HERC1: variants seen among roughly 807,000 people sequenced by gnomAD.
The protein encoded by HERC1 is HECT and RLD domain containing E3 ubiquitin protein ligase family member 1.
A neutral mutation model predicts 554.3 loss-of-function variants in HERC1; 160 were observed. The observed-to-expected ratio is 0.29, with a 90% confidence interval of 0.25 to 0.33. HERC1 has a LOEUF of 0.33. Ranked by LOEUF, HERC1 falls within the 10% of genes least tolerant of loss-of-function variation. The pLI, the probability that HERC1 is intolerant of heterozygous loss-of-function variation, is 1.00. For missense variants in HERC1, 4,919 were observed against 5,918.5 expected (o/e 0.83, Z 5.54); for synonymous variants, 2,175 against 2,131.7 (o/e 1.02, Z -0.56).
Position 63,694,761 on chromosome 15 carries a change from AC to A in HERC1, c.5242+12del. On this transcript the variant is annotated intron_variant, in intron 28 of 77. Transcript: ENST00000443617. This position sits in a 1 kb window ranked among gnomAD's most constrained non-coding sequence, Gnocchi z 4.3. ...TAACCTGCACTGTACATTTGCAGGA[AC>A]CGTTTACTTACCAATGTGATGCTTG... 6.2e-7 allele frequency: 1 copy of A among 1,613,956 alleles called. No homozygotes were observed.
chr15:63,778,512 C>G (rs1160501128), intron 1 of HERC1, among the ~76,000 whole-genome samples: 1 of 152,078 alleles, frequency 6.6e-6, no homozygotes. Context: ...GAGAAGCATG[C>G]TTTAACAACT....
At position 63,774,723 on chromosome 15, in the gene HERC1, T is replaced by C. The variant is rs2076068997; in HGVS notation, c.901A>G (p.Thr301Ala). Reference sequence around the variant, plus strand: ...GAACGCCTCATCTGCATTAATATGGTCATAAAGCAGTCAAAGCTGATCATT... The same window carrying C: ...GAACGCCTCATCTGCATTAATATGGCCATAAAGCAGTCAAAGCTGATCATT... ...EGMISFDCFMTILMQMRRSLG... is the reference protein window; with the variant it reads ...EGMISFDCFMAILMQMRRSLG... Residue 301 changes from threonine (T) to alanine (A), a missense_variant, in exon 2 of 78, where the codon ACC becomes GCC. Physicochemically the swap from Thr to Ala is moderately conservative, Grantham distance 58. Around this residue, in one of 11 missense-constraint regions of HERC1, gnomAD observed 744 missense variants for 1,090.0 expected, o/e 0.68. Coordinates refer to ENST00000443617, the MANE Select transcript of HERC1 (RefSeq NM_003922.4). 1 of 1,613,210 alleles carries C rather than the reference T, an allele frequency of 6.2e-7. No homozygotes were observed. The highest frequency in any genetic ancestry group is 8.5e-7 in the Non-Finnish European group (1 of 1,179,570).
At chr15:63,623,642 T>C (rs934000163) in intron 73 of HERC1, 83 bp downstream of exon 73, 40 of 1,291,622 alleles carry the variant, frequency 3.1e-5, no homozygotes, top group Non-Finnish European at 4.0e-5. Flanking sequence ...TATAAAAACA[T>C]GCCTGGCAGA....
At chr15:63,687,929 C>T (rs2071871800) in intron 33 of HERC1, among the ~76,000 whole-genome samples, 1 of 152,122 alleles carries the variant, frequency 6.6e-6, no homozygotes, top group South Asian at 2.1e-4. Context: ...AAGAAGAAGG[C>T]AAGTTGCTTA....
At chr15:63,638,317 G>T in intron 63 of HERC1, 94 bp downstream of exon 63, 2 of 1,287,394 alleles carry the variant, frequency 1.6e-6, no homozygotes, top group Non-Finnish European at 1.1e-6. Context: ...AATAGATTAT[G>T]AAATGGACAA....
At chr15:63,705,637 A>G (rs1360112357) in intron 25 of HERC1, among the ~76,000 whole-genome samples, 1 of 152,124 alleles carries the variant, frequency 6.6e-6, no homozygotes, top group Non-Finnish European at 1.5e-5. Context: ...TAATATCATG[A>G]AAAAAAATTT....
rs200680431 is a variant in HERC1, at chr15:63,764,123, G to A, written c.999C>T (p.Tyr333=). 2.6e-4 allele frequency: 417 copies of A among 1,609,740 alleles called. 1 individual carries two copies. In the African/African-American group the frequency reaches 4.7e-3, roughly 18 times the overall value. The change falls in exon 3 of 78, where the codon TAC becomes TAT. Residue 333 remains tyrosine (Y), a synonymous_variant. Coordinates refer to ENST00000443617, the MANE Select transcript of HERC1 (RefSeq NM_003922.4). ...TRTSDGLCSL[Y]EAALCLFEEV... Reference sequence around the variant, plus strand: ...CTTCAAAGAGACATAATGCTGCCTCGTAAAGGGAGCACAAGCCATCCGATG... The same window carrying A: ...CTTCAAAGAGACATAATGCTGCCTCATAAAGGGAGCACAAGCCATCCGATG...
At chr15:63,654,373 A>C in intron 50 of HERC1, 49 bp from the exon 51 acceptor site, 1 of 1,359,566 alleles carries the variant, frequency 7.4e-7, no homozygotes, top group Non-Finnish European at 1.0e-6. Context: ...TGGGCAATTA[A>C]ACCTGCTTAA....
rs143342111 is a variant in HERC1, at chr15:63,765,598, T to C, written c.931-1407A>G. Among the ~76,000 whole-genome samples the C allele has an allele frequency of 2.6e-4, 40 of 152,230 alleles. 2 individuals are homozygous for C. In the East Asian group the frequency reaches 7.7e-3, roughly 29 times the overall value. On this transcript the variant is annotated intron_variant, in intron 2 of 77. Transcript: ENST00000443617. ...AAAACCTACCTCTCCCACAACTCCT[T>C]ATTGTAACCCACACATTCCACTAAC... is the stretch of plus-strand genomic sequence containing the variant.
At position 63,656,375 on chromosome 15, in the gene HERC1, A is replaced by G. The variant is rs754654080; in HGVS notation, c.9600-17T>C. 7 of 1,599,314 alleles carry G rather than the reference A, an allele frequency of 4.4e-6. No homozygotes were observed. The highest frequency in any genetic ancestry group is 6.0e-6 in the Non-Finnish European group (7 of 1,171,286). The stretch of plus-strand genomic sequence containing the variant: ...CTGGAACCACTGCCAGTAAAGAAAA[A>G]CATCTCAGATGGATAAAGAAAATGG... On this transcript the variant is annotated splice_polypyrimidine_tract_variant and intron_variant, in intron 48 of 77. Transcript: ENST00000443617.
chr15:63,643,798 G>T (rs1006010972), intron 57 of HERC1, among the ~76,000 whole-genome samples: 1 of 152,040 alleles, frequency 6.6e-6, no homozygotes, highest in Non-Finnish European at 1.5e-5. Flanking sequence ...TCAAACTACA[G>T]AAATAACATC....
chr15:63,639,399 T>C (rs955518992), intron 61 of HERC1, among the ~76,000 whole-genome samples: 19 of 152,220 alleles, frequency 1.2e-4, no homozygotes, highest in African/African-American at 2.7e-4. Flanking sequence ...CTATACCGTA[T>C]AGTCTTGTTG....
At chr15:63,622,599 C>T (rs1460981843) in intron 74 of HERC1, among the ~76,000 whole-genome samples, 1 of 152,160 alleles carries the variant, frequency 6.6e-6, no homozygotes, top group Non-Finnish European at 1.5e-5. Flanking sequence ...TCCCAAAGTG[C>T]TGGAATTACA....
At chr15:63,831,096 T>C (rs1481641581) in intron 1 of HERC1, among the ~76,000 whole-genome samples, 6 of 152,026 alleles carry the variant, frequency 3.9e-5, no homozygotes, top group Non-Finnish European at 7.4e-5. Flanking sequence ...AGACCTTTGT[T>C]GTTGTTTGTT....
rs778200374 is a variant in HERC1, at chr15:63,729,230, A to G, written c.3154+6T>C. 9.4e-6 allele frequency: 15 copies of G among 1,592,304 alleles called. No homozygotes were observed. The highest frequency in any genetic ancestry group is 1.3e-5 in the Non-Finnish European group (15 of 1,173,286). ...GATTAAATTTGAAATGAAATACCAA[A>G]CTCACCTCTTAATTTTTCTCCAACA... is the stretch of plus-strand genomic sequence containing the variant. On this transcript the variant is annotated splice_donor_region_variant and intron_variant, in intron 16 of 77. Coordinates refer to ENST00000443617, the MANE Select transcript of HERC1 (RefSeq NM_003922.4).
Position 63,692,962 on chromosome 15 carries a change from C to T in HERC1, c.5675-396G>A, listed in dbSNP as rs1311039651. On this transcript the variant is annotated intron_variant, in intron 30 of 77. Transcript: ENST00000443617. The surrounding 1 kb of genome is among the most constrained non-coding windows in gnomAD (Gnocchi z 4.7). ...TTGGGAGGTCGAGGCGGGCGGATCACTTGAGGTCAGGAGTTCAAGATCAGC... is the reference window on the plus strand; with the variant it reads ...TTGGGAGGTCGAGGCGGGCGGATCATTTGAGGTCAGGAGTTCAAGATCAGC... Among the ~76,000 whole-genome samples the T allele has an allele frequency of 3.3e-5, 5 of 152,130 alleles. No individual in the cohort carries two copies. The highest frequency in any genetic ancestry group is 1.2e-4 in the African/African-American group (5 of 41,520).
intron 1 of HERC1, among the ~76,000 whole-genome samples, chr15:63,826,336 T>C (rs1190433568): frequency 1.3e-5 from 2 of 152,164 alleles, no homozygotes; most frequent in Non-Finnish European, 2.9e-5. Flanking sequence ...ACTGCCCTTC[T>C]TCCTTATGGA....
Position 63,692,967 on chromosome 15 carries a change from G to C in HERC1, c.5675-401C>G, listed in dbSNP as rs1401301568. 6.6e-6 allele frequency among the ~76,000 whole-genome samples: 1 copy of C among 152,012 alleles called. No individual in the cohort carries two copies. The highest frequency in any genetic ancestry group is 2.4e-5 in the African/African-American group (1 of 41,374). On this transcript the variant is annotated intron_variant, in intron 30 of 77. Coordinates refer to ENST00000443617, the MANE Select transcript of HERC1 (RefSeq NM_003922.4). The surrounding 1 kb of genome is among the most constrained non-coding windows in gnomAD (Gnocchi z 4.7). ...AGGTCGAGGCGGGCGGATCACTTGA[G>C]GTCAGGAGTTCAAGATCAGCCTGGC...
intron 1 of HERC1, among the ~76,000 whole-genome samples, chr15:63,789,674 T>C (rs982916394): frequency 2.0e-5 from 3 of 151,512 alleles, no homozygotes; most frequent in African/African-American, 7.3e-5. Flanking sequence ...GGCGGGCACC[T>C]GTAATCCCAG....
Sources: allele counts gnomAD v4.1 joint callset (sites outside exome capture counted in the v4.1 genomes callset), GRCh38; gene constraint gnomAD v4.1.1; regional missense constraint gnomAD v4.1.1; non-coding constraint Gnocchi (gnomAD v3.1); transcripts MANE v1.5; gene names NCBI Gene and HGNC (gene_info 2026-07-23, HGNC 2026-07-21).